DNAH14: variants seen among roughly 807,000 people sequenced by gnomAD.
The protein encoded by DNAH14 is dynein axonemal heavy chain 14.
A neutral mutation model predicts 520.9 loss-of-function variants in DNAH14; 478 were observed. That is an observed-to-expected ratio of 0.92 (90% CI 0.85 to 0.99). DNAH14 has a LOEUF of 0.99. Among genes scored for constraint, DNAH14 ranks in the 50% least tolerant of loss-of-function variants. The pLI, the probability that DNAH14 is intolerant of heterozygous loss-of-function variation, is 0.00. For missense variants in DNAH14, 4,831 were observed against 5,234.5 expected (o/e 0.92, Z 2.38); for synonymous variants, 1,581 against 1,757.2 (o/e 0.90, Z 2.51).
chr1:224,967,832 TGGG>T, intron 6 of DNAH14: 1 of 1,316,134 alleles, frequency 7.6e-7, no homozygotes, highest in Non-Finnish European at 9.7e-7. Context: ...TGTTAATACT[TGGG>T]GTAAATTTTT....
chr1:225,388,100 G>A (rs964611336), intron 81 of DNAH14, among the ~76,000 whole-genome samples: 5 of 152,162 alleles, frequency 3.3e-5, no homozygotes, highest in Non-Finnish European at 5.9e-5. Flanking sequence ...AGGAGGAAAG[G>A]AGGTGAGGAA....
intron 43 of DNAH14, among the ~76,000 whole-genome samples, chr1:225,246,339 A>T (rs2092282369): frequency 6.6e-6 from 1 of 152,194 alleles, no homozygotes; most frequent in African/African-American, 2.4e-5. Context: ...CATGACTGTG[A>T]CACCAAAAGC....
intron 23 of DNAH14, among the ~76,000 whole-genome samples, chr1:225,101,998 C>A (rs908474332): frequency 6.7e-6 from 1 of 150,232 alleles, no homozygotes; most frequent in African/African-American, 2.5e-5. Flanking sequence ...CCCATTAACT[C>A]GTCATTTAAC....
At chr1:225,276,987 G>GAGGA (rs1558241813) in intron 53 of DNAH14, among the ~76,000 whole-genome samples, 28 of 26,722 alleles carry the variant, frequency 1.0e-3, no homozygotes, top group Non-Finnish European at 1.5e-3. Flanking sequence ...GGAAGGAAGG[G>GAGGA]AGGGAGGAAG....
At chr1:225,138,475 G>T (rs6674717) in intron 27 of DNAH14, among the ~76,000 whole-genome samples, 30,251 of 152,102 alleles carry the variant, frequency 0.2, 6,215 homozygotes, top group African/African-American at 0.51. Flanking sequence ...GCTCCCTATA[G>T]TCAGCCCCCT....
chr1:225,362,574 C>CAAA (rs56104945), intron 75 of DNAH14, among the ~76,000 whole-genome samples: 11,981 of 120,664 alleles, frequency 0.099, 613 homozygotes, highest in Middle Eastern at 0.19. Flanking sequence ...GACTCAGTCT[C>CAAA]AAAAAAAAAA....
chr1:225,348,285 A>G (rs1002969703), intron 71 of DNAH14, among the ~76,000 whole-genome samples: 2 of 152,164 alleles, frequency 1.3e-5, no homozygotes, highest in African/African-American at 4.8e-5. Context: ...GAAGAAAAAA[A>G]GAGAGAAAAG....
rs888835273 is a variant in DNAH14, at chr1:225,167,774, A to G, written c.5446-165A>G. On this transcript the variant is annotated intron_variant, in intron 35 of 85. Transcript: ENST00000682510. ...CTGTATTTTTCTGCAGACAGTAGTA[A>G]TAGTTTTTACTATTCTCAGAGACAG... is the stretch of plus-strand genomic sequence containing the variant. Among the ~76,000 whole-genome samples, 10 of 152,334 alleles carry G rather than the reference A, an allele frequency of 6.6e-5. No individual in the cohort carries two copies. The East Asian group carries it at 1.9e-3, about 29-fold the overall frequency.
chr1:225,057,229 C>T lies in DNAH14; in HGVS notation c.2424+5434C>T, dbSNP rs545135013. On this transcript the variant is annotated intron_variant, in intron 17 of 85. Transcript: ENST00000682510. The stretch of plus-strand genomic sequence containing the variant: ...TCATTGAGCAGTGGTTTGTAGTTCT[C>T]CTTGAAGAGGTCCTTCACATCCCTT... Among the ~76,000 whole-genome samples the T allele has an allele frequency of 3.4e-4, 52 of 152,278 alleles. 2 individuals are homozygous for T. The South Asian group carries it at 9.5e-3, about 28-fold the overall frequency.
chr1:225,325,603 T>C (rs2094646376), intron 64 of DNAH14, among the ~76,000 whole-genome samples: 1 of 152,194 alleles, frequency 6.6e-6, no homozygotes, highest in Admixed American at 6.5e-5. Context: ...AGTATCATTA[T>C]CATTATGAGA....
At chr1:225,167,587 A>G (rs1474258334) in intron 35 of DNAH14, among the ~76,000 whole-genome samples, 2 of 152,212 alleles carry the variant, frequency 1.3e-5, no homozygotes, top group African/African-American at 2.4e-5. Flanking sequence ...AAAAAGGTCT[A>G]CAACCTTTTA....
In DNAH14 at chr1:225,266,687, A is replaced by G. The variant is rs1377477090; in HGVS notation, c.7457A>G (p.Tyr2486Cys). 3 of 1,519,472 alleles carry G rather than the reference A, an allele frequency of 2.0e-6. No individual in the cohort carries two copies. Among genetic ancestry groups the G allele is most frequent in the South Asian group, 2.6e-5 (2 of 77,436 alleles). The allele number at this position is 1,519,472 out of a possible 1,614,324, so 94.1% of individuals were successfully genotyped here. A position where few individuals can be genotyped will look rare whatever the true frequency, so the allele number is the denominator to read the frequency against. The change falls in exon 49 of 86, where the codon TAT (tyrosine) becomes TGT (cysteine). Residue 2486 changes from tyrosine to cysteine, a missense_variant. Coordinates refer to ENST00000682510, the MANE Select transcript of DNAH14 (RefSeq NM_001367479.1). Reference protein sequence around the residue: ...DDMNMPVSDMYGAQPPLELIR... With the variant: ...DDMNMPVSDMCGAQPPLELIR... Reference sequence around the variant, plus strand: ...ATGAATATGCCAGTATCAGATATGTATGGAGCACAGCCACCCCTGGAATTG... The same window carrying G: ...ATGAATATGCCAGTATCAGATATGTGTGGAGCACAGCCACCCCTGGAATTG...
intron 39 of DNAH14, among the ~76,000 whole-genome samples, chr1:225,205,219 A>T (rs1436897717): frequency 6.6e-6 from 1 of 152,108 alleles, no homozygotes; most frequent in Non-Finnish European, 1.5e-5. Flanking sequence ...TCCCAAGGTG[A>T]TGCTATTAGG....
At chr1:224,945,412 T>A (rs1190582501) in intron 1 of DNAH14, among the ~76,000 whole-genome samples, 1 of 152,120 alleles carries the variant, frequency 6.6e-6, no homozygotes, top group Non-Finnish European at 1.5e-5. Context: ...TTTTCAAGGT[T>A]TTTAACTTCT....
intron 8 of DNAH14, among the ~76,000 whole-genome samples, chr1:224,977,170 G>A (rs1053200020): frequency 1.3e-5 from 2 of 152,132 alleles, no homozygotes; most frequent in Non-Finnish European, 2.9e-5. Context: ...AAAAAAGGAT[G>A]AGTTCATGTC....
At chr1:225,250,679 C>A in intron 43 of DNAH14, 1 of 566,084 alleles carries the variant, frequency 1.8e-6, no homozygotes, top group Non-Finnish European at 3.3e-6. Context: ...GGGTCAGTCA[C>A]AGGGCAGACG....
At chr1:225,057,802 G>T (rs748043609) in intron 17 of DNAH14, among the ~76,000 whole-genome samples, 8 of 152,050 alleles carry the variant, frequency 5.3e-5, no homozygotes, top group African/African-American at 7.2e-5. Context: ...GGTTTTTGTC[G>T]TTGGTTCTGT....
chr1:225,007,296 C>G, intron 9 of DNAH14, 117 bp from the exon 10 acceptor site: 1 of 791,994 alleles, frequency 1.3e-6, no homozygotes, highest in Non-Finnish European at 1.7e-6. Flanking sequence ...ATAGGATATA[C>G]AGAAGAAAAT....
intron 15 of DNAH14, among the ~76,000 whole-genome samples, chr1:225,049,047 A>ATTTTTTTTTT (rs71170051): frequency 1.8e-5 from 1 of 56,278 alleles, no homozygotes; most frequent in African/African-American, 8.3e-5. Flanking sequence ...TCTCTTGCCT[A>ATTTTTTTTTT]TTTTTTTTTT....
Sources: gnomAD v4.1 joint callset for allele counts (sites outside exome capture counted in the v4.1 genomes callset) on GRCh38, gnomAD v4.1.1 for gene constraint, MANE v1.5 for transcripts, NCBI Gene and HGNC (gene_info 2026-07-23, HGNC 2026-07-21) for gene names.